The following ZBTB41 variants were observed in gnomAD, a reference collection of about 807,000 sequenced individuals.
The protein encoded by ZBTB41 is zinc finger and BTB domain-containing protein 41.
In ZBTB41, 42 loss-of-function variants were observed where a neutral mutation model predicts 87.6. The observed-to-expected ratio is 0.48, with a 90% CI of 0.37 to 0.62. ZBTB41 has a LOEUF of 0.62. Ranked by LOEUF, ZBTB41 falls within the 20% of genes least tolerant of loss-of-function variation. The pLI, the probability that ZBTB41 is intolerant of heterozygous loss-of-function variation, is 0.00. For synonymous variants in ZBTB41, 364 were observed against 364.0 expected, an observed-to-expected ratio of 1.00 and a Z score of 0.00; for missense variants, 799 against 1,078.9, an observed-to-expected ratio of 0.74 and a Z score of 3.63.
At chr1:197,161,612 G>GAAGT (rs112404757) in intron 10 of ZBTB41, among the ~76,000 whole-genome samples, 129,899 of 151,576 alleles carry the variant, frequency 0.86, 56,219 homozygotes, top group East Asian at 1. Flanking sequence ...AGTGAGACAT[G>GAAGT]AATACATTAT....
intron 8 of ZBTB41, 116 bp from the exon 9 acceptor site, chr1:197,175,231 C>G (rs1659574450): frequency 2.4e-6 from 2 of 819,770 alleles, no homozygotes; most frequent in Non-Finnish European, 3.7e-6. Flanking sequence ...GAAAGTAAAG[C>G]CACATTTTAT....
Position 197,200,390 on chromosome 1 carries a change from T to A in ZBTB41, c.84A>T (p.Ala28=), listed in dbSNP as rs201658200. 2 of 1,613,884 alleles carry A rather than the reference T, an allele frequency of 1.2e-6. No homozygotes were observed. Residue 28 remains alanine (A), a synonymous_variant, in exon 2 of 11, where the codon GCA becomes GCT. Coordinates refer to ENST00000367405, the MANE Select transcript of ZBTB41 (RefSeq NM_194314.3). Reference sequence around the variant, plus strand: ...TATAGGTCACTTGGTCACACTCCACTGCAACATTTCCTTCTGAAGAATCTT... The same window carrying A: ...TATAGGTCACTTGGTCACACTCCACAGCAACATTTCCTTCTGAAGAATCTT... ...YHKDSSEGNV[A]VECDQVTYTH...
rs778235195 is a variant in ZBTB41 at position 197,200,350 on chromosome 1, T to C, written c.124A>G (p.Arg42Gly). The C allele has an allele frequency of 5.0e-6, 8 of 1,614,100 alleles. No individual in the cohort carries two copies. Among genetic ancestry groups the C allele is most frequent in the Admixed American group, 3.3e-5 (2 of 60,004 alleles). ...DQVTYTHSAG[R>G]PTPEALHCYQ... The stretch of plus-strand genomic sequence containing the variant: ...CAGTGAAGAGCTTCAGGAGTTGGTC[T>C]TCCTGCAGAATGAGTATAGGTCACT... The change falls in exon 2 of 11, where the codon AGA becomes GGA. Residue 42 changes from arginine (R) to glycine (G), a missense_variant. Physicochemically the swap from Arg to Gly is moderately radical, Grantham distance 125. This residue lies in a region of ZBTB41 where 77 missense variants were observed against 68.4 expected (regional missense o/e 1.13). Coordinates refer to ENST00000367405, the MANE Select transcript of ZBTB41 (RefSeq NM_194314.3).
At chr1:197,165,191 A>T (rs568685760) in intron 10 of ZBTB41, among the ~76,000 whole-genome samples, 9 of 151,670 alleles carry the variant, frequency 5.9e-5, no homozygotes, top group Non-Finnish European at 8.8e-5. Flanking sequence ...AAACTTGCTT[A>T]GAAAATCCCC....
intron 2 of ZBTB41, among the ~76,000 whole-genome samples, chr1:197,194,483 C>A (rs1660112875): frequency 6.6e-6 from 1 of 151,894 alleles, no homozygotes. Flanking sequence ...TTCTTCTATG[C>A]ATGCAAATAA....
chr1:197,192,771 T>C (rs960134151), intron 2 of ZBTB41, among the ~76,000 whole-genome samples: 2 of 152,004 alleles, frequency 1.3e-5, no homozygotes, highest in African/African-American at 4.8e-5. Flanking sequence ...AAAGGATACA[T>C]CCTATGTATA....
Position 197,154,351 on chromosome 1 carries a change from T to C in ZBTB41, c.*5008A>G, listed in dbSNP as rs543489364. 8 of 152,342 alleles carry C rather than the reference T, an allele frequency of 5.3e-5. No homozygotes were observed. In the South Asian group the frequency reaches 1.7e-3, roughly 32 times the overall value. 9.4% of individuals were successfully genotyped at this position (152,342 alleles called of 1,614,324 possible). ...TTGTATAACCTCTGTGCTCTAAATA[T>C]AATCCTTAATTTCTCCTCTGAATAT... On this transcript the variant is annotated 3_prime_UTR_variant, in exon 11 of 11. Coordinates refer to ENST00000367405, the MANE Select transcript of ZBTB41 (RefSeq NM_194314.3).
At chr1:197,176,815 C>T in intron 7 of ZBTB41, 145 bp from the exon 8 acceptor site, 1 of 633,238 alleles carries the variant, frequency 1.6e-6, no homozygotes, top group African/African-American at 1.9e-5. Flanking sequence ...CTATGACTTT[C>T]AGAGTCCTTT....
intron 10 of ZBTB41, among the ~76,000 whole-genome samples, chr1:197,171,699 G>A (rs1258245780): frequency 6.6e-6 from 1 of 151,772 alleles, no homozygotes; most frequent in African/African-American, 2.4e-5. Flanking sequence ...AATCATGACT[G>A]GCTATGTAAA....
At chr1:197,167,668 C>T (rs1169613597) in intron 10 of ZBTB41, among the ~76,000 whole-genome samples, 4 of 152,036 alleles carry the variant, frequency 2.6e-5, no homozygotes, top group Admixed American at 6.6e-5. Context: ...ATGATCACCT[C>T]AATCAATATA....
chr1:197,177,316 G>A (rs1659631845), intron 7 of ZBTB41, among the ~76,000 whole-genome samples: 3 of 151,994 alleles, frequency 2.0e-5, no homozygotes, highest in South Asian at 2.1e-4. Flanking sequence ...CTCCTGCTTC[G>A]CCTAGGTAAG....
At chr1:197,179,666 G>A (rs1031310555) in intron 6 of ZBTB41, among the ~76,000 whole-genome samples, 1 of 152,044 alleles carries the variant, frequency 6.6e-6, no homozygotes, top group Admixed American at 6.6e-5. Context: ...AGATGTGCAG[G>A]TGGAAGACAG....
At chr1:197,180,930 T>C (rs956211708) in intron 6 of ZBTB41, 58 bp downstream of exon 6, 32 of 1,518,744 alleles carry the variant, frequency 2.1e-5, no homozygotes, top group Non-Finnish European at 2.6e-5. Context: ...ATCATATTGA[T>C]TGATTATTTC....
chr1:197,168,135 A>C (rs1339754089), intron 10 of ZBTB41, among the ~76,000 whole-genome samples: 1 of 152,182 alleles, frequency 6.6e-6, no homozygotes, highest in African/African-American at 2.4e-5. Flanking sequence ...ATAAAAAATA[A>C]AATTAAAAAA....
At chr1:197,184,822 T>TTATTTATC (rs1438075566) in intron 5 of ZBTB41, among the ~76,000 whole-genome samples, 4 of 151,544 alleles carry the variant, frequency 2.6e-5, no homozygotes, top group Non-Finnish European at 5.9e-5. Context: ...ATTTATTTAT[T>TTATTTATC]TATATTTTTG....
Position 197,165,620 on chromosome 1 carries a change from C to CA in ZBTB41, c.2075-5607dup, listed in dbSNP as rs781341486. Among the ~76,000 whole-genome samples the CA allele has an allele frequency of 1.9e-3, 287 of 147,304 alleles. 1 individual carries two copies. The highest frequency in any genetic ancestry group is 5.2e-3 in the Admixed American group (78 of 14,864). ...GCGAGACTCTATCTCAAAAAAAAAA[C>CA]AAAAAAAACAACAAAAAAAAGTGAG... On this transcript the variant is annotated intron_variant, in intron 10 of 10. Coordinates refer to ENST00000367405, the MANE Select transcript of ZBTB41 (RefSeq NM_194314.3).
At chr1:197,180,898 T>C (rs768593637) in intron 6 of ZBTB41, 90 bp downstream of exon 6, 200 of 1,379,400 alleles carry the variant, frequency 1.4e-4, no homozygotes, top group Middle Eastern at 2.2e-4. Flanking sequence ...TTTTGTGTCT[T>C]ATGTTACCCT....
chr1:197,161,966 T>A (rs1189177940), intron 10 of ZBTB41, among the ~76,000 whole-genome samples: 6 of 151,980 alleles, frequency 3.9e-5, no homozygotes, highest in Non-Finnish European at 5.9e-5. Context: ...ACCAGCATGA[T>A]GGTCCTTAAG....
At chr1:197,160,095 A>C in intron 10 of ZBTB41, 81 bp from the exon 11 acceptor site, 1 of 1,095,266 alleles carries the variant, frequency 9.1e-7, no homozygotes, top group South Asian at 1.5e-5. Context: ...GCAAACTTCC[A>C]ATGTGAATAC....
Sources: gnomAD v4.1 joint callset for allele counts (sites outside exome capture counted in the v4.1 genomes callset) on GRCh38, gnomAD v4.1.1 for gene constraint, gnomAD v4.1.1 regional missense constraint, MANE v1.5 for transcripts, NCBI Gene and HGNC (gene_info 2026-07-23, HGNC 2026-07-21) for gene names.